The following RBM47 variants were observed in gnomAD, a reference collection of about 807,000 sequenced individuals.
RBM47 encodes the protein RNA binding motif protein 47.
In RBM47, 21 loss-of-function variants were observed where a neutral mutation model predicts 47.1. The observed-to-expected ratio is 0.45, with a 90% CI of 0.32 to 0.64. RBM47 has a LOEUF of 0.64. RBM47 is among the 30% of genes least tolerant of loss of function. The probability of loss-of-function intolerance (pLI) is 0.05; values close to 1 mark genes in which losing one functional copy is unlikely to be tolerated. For synonymous variants in RBM47, 375 were observed against 361.7 expected, an observed-to-expected ratio of 1.04 and a Z score of -0.42; for missense variants, 708 against 870.9, an observed-to-expected ratio of 0.81 and a Z score of 2.35.
intron 1 of RBM47, among the ~76,000 whole-genome samples, chr4:40,585,409 T>C (rs1378428706): frequency 6.6e-6 from 1 of 152,216 alleles, no homozygotes; most frequent in Non-Finnish European, 1.5e-5. Context: ...CTATGACTTT[T>C]ATTGTAGAGG....
intron 3 of RBM47, among the ~76,000 whole-genome samples, chr4:40,451,993 A>G (rs1187826872): frequency 6.6e-6 from 1 of 152,182 alleles, no homozygotes; most frequent in Non-Finnish European, 1.5e-5. Flanking sequence ...AACATGGCAA[A>G]ACCCTGTCTC....
In RBM47 at chr4:40,425,855, G is replaced by T. The variant is rs554684608; in HGVS notation, c.*49C>A. The T allele has an allele frequency of 1.9e-6, 3 of 1,585,200 alleles. No homozygotes were observed. Among genetic ancestry groups the T allele is most frequent in the East Asian group, 2.3e-5 (1 of 44,316 alleles). On this transcript the variant is annotated 3_prime_UTR_variant, in exon 7 of 7. Transcript: ENST00000295971. ...GTTCCTTCTTCATAAATAGTCAAGC[G>T]TTCCTTCAGTGGTGTTTGTGTGGTC...
At chr4:40,559,513 T>C (rs1730412545) in intron 1 of RBM47, among the ~76,000 whole-genome samples, 1 of 152,214 alleles carries the variant, frequency 6.6e-6, no homozygotes, top group African/African-American at 2.4e-5. Flanking sequence ...GGAGATCTTA[T>C]CTAAATTTTT....
In RBM47 at chr4:40,478,204, G is replaced by A. The variant is rs891380815; in HGVS notation, c.-154-11505C>T. 1.1e-3 allele frequency among the ~76,000 whole-genome samples: 166 copies of A among 151,832 alleles called. 3 individuals carry two copies. The highest frequency in any genetic ancestry group is 3.2e-4 in the Non-Finnish European group (22 of 67,938). On this transcript the variant is annotated intron_variant, in intron 2 of 6. Coordinates refer to ENST00000295971, the MANE Select transcript of RBM47 (RefSeq NM_001098634.2). ...ATAATTTTGTATTTTTAGTAGAGAC[G>A]GGGTTTCACCATGTTGGTCAGGCTG...
chr4:40,630,282 C>G (rs533219325), upstream of RBM47: 1 of 152,450 alleles, frequency 6.6e-6, no homozygotes, highest in South Asian at 2.1e-4. Context: ...CGGGCTGCTC[C>G]GAGAAACCCA....
chr4:40,450,679 T>C (rs1715275989), intron 3 of RBM47, among the ~76,000 whole-genome samples: 1 of 152,172 alleles, frequency 6.6e-6, no homozygotes, highest in African/African-American at 2.4e-5. Context: ...TCAGGGAATA[T>C]AGGTGTTCTC....
At chr4:40,605,342 A>G (rs925736929) in intron 1 of RBM47, among the ~76,000 whole-genome samples, 3 of 152,042 alleles carry the variant, frequency 2.0e-5, no homozygotes, top group South Asian at 2.1e-4. Context: ...TGGCTCTTAC[A>G]AAAGTGCATG....
rs187255583 is a variant in RBM47, at chr4:40,441,355, T to C, written c.-31-2431A>G. On this transcript the variant is annotated intron_variant, in intron 3 of 6. Transcript: ENST00000295971. The stretch of plus-strand genomic sequence containing the variant: ...CTAGTCTCAAACTCCTGGGCTCAAG[T>C]AATCCTCCTGCCTCAGCCTCCCAAA... Among the ~76,000 whole-genome samples the C allele has an allele frequency of 7.0e-3, 1,054 of 151,640 alleles. 6 individuals carry two copies. Among genetic ancestry groups the C allele is most frequent in the Non-Finnish European group, 0.012 (805 of 67,904 alleles).
intron 3 of RBM47, among the ~76,000 whole-genome samples, chr4:40,442,641 G>A (rs948649961): frequency 5.9e-5 from 9 of 152,114 alleles, no homozygotes; most frequent in African/African-American, 1.2e-4. Context: ...TAAACAGAAC[G>A]TGGTATACAT....
chr4:40,467,206 T>C (rs1025305153), intron 2 of RBM47, among the ~76,000 whole-genome samples: 16 of 152,280 alleles, frequency 1.1e-4, no homozygotes, highest in African/African-American at 2.6e-4. Context: ...CCCAAAACCA[T>C]TGAAGCAAGT....
chr4:40,466,240 C>T (rs1717994557), intron 3 of RBM47, among the ~76,000 whole-genome samples: 1 of 149,192 alleles, frequency 6.7e-6, no homozygotes, highest in African/African-American at 2.5e-5. Flanking sequence ...TGCACTCCAC[C>T]CTGGGTAACA....
chr4:40,506,614 T>C (rs1002618850), intron 2 of RBM47, among the ~76,000 whole-genome samples: 2 of 152,212 alleles, frequency 1.3e-5, no homozygotes, highest in African/African-American at 2.4e-5. Context: ...GTCAACCTTG[T>C]GGCAATGGCT....
intron 1 of RBM47, among the ~76,000 whole-genome samples, chr4:40,586,029 GCC>G (rs901052378): frequency 7.2e-5 from 11 of 152,304 alleles, no homozygotes; most frequent in South Asian, 4.1e-4. Context: ...AAGCTACTCA[GCC>G]CGAGTGTTAC....
chr4:40,620,758 T>A (rs1277468507), intron 1 of RBM47, among the ~76,000 whole-genome samples: 3 of 152,150 alleles, frequency 2.0e-5, no homozygotes, highest in Admixed American at 2.0e-4. Context: ...GCTTTTTAAC[T>A]CCTGGGCTCA....
At position 40,604,194 on chromosome 4, in the gene RBM47, A is replaced by G. The variant is rs573748762; in HGVS notation, c.-240+25202T>C. On this transcript the variant is annotated intron_variant, in intron 1 of 6. Transcript: ENST00000295971. ...GACAAACTAAACAAGTGTCTGTAATATTACACAGGACCTGGCAGAGCCAAG... is the reference window on the plus strand; with the variant it reads ...GACAAACTAAACAAGTGTCTGTAATGTTACACAGGACCTGGCAGAGCCAAG... Among the ~76,000 whole-genome samples, 4 of 152,370 alleles carry G rather than the reference A, an allele frequency of 2.6e-5. No homozygotes were observed. The Middle Eastern group carries it at 0.014, about 518-fold the overall frequency.
chr4:40,550,609 G>C (rs6447188), intron 1 of RBM47, among the ~76,000 whole-genome samples: 22,852 of 151,966 alleles, frequency 0.15, 1,991 homozygotes, highest in African/African-American at 0.23. Flanking sequence ...AGTAGAGATG[G>C]AGTTTCACCA....
At chr4:40,451,091 A>T (rs1017082866) in intron 3 of RBM47, among the ~76,000 whole-genome samples, 2 of 151,696 alleles carry the variant, frequency 1.3e-5, no homozygotes, top group Non-Finnish European at 2.9e-5. Flanking sequence ...TCACGCCTGT[A>T]ATCCCAGCAC....
intron 2 of RBM47, among the ~76,000 whole-genome samples, chr4:40,504,495 GC>G (rs1373213600): frequency 3.3e-5 from 5 of 152,120 alleles, no homozygotes; most frequent in African/African-American, 4.8e-5. Context: ...GTTTCACCAT[GC>G]TGGCCAGGCT....
At chr4:40,477,259 A>T (rs1719750814) in intron 2 of RBM47, among the ~76,000 whole-genome samples, 2 of 152,236 alleles carry the variant, frequency 1.3e-5, no homozygotes, top group African/African-American at 2.4e-5. Flanking sequence ...TATATTTTTT[A>T]AAAAGACAGT....
Sources: allele counts gnomAD v4.1 joint callset (sites outside exome capture counted in the v4.1 genomes callset), GRCh38; gene constraint gnomAD v4.1.1; transcripts MANE v1.5; gene names NCBI Gene and HGNC (gene_info 2026-07-23, HGNC 2026-07-21).